Variants in CCZ1 observed in about 807,000 individuals in gnomAD.
CCZ1 encodes the protein vacuolar fusion protein CCZ1 homolog.
Under a neutral mutation model 57.8 loss-of-function variants are expected in CCZ1, and 19 were observed. The ratio of observed to expected loss-of-function variants is 0.33; its 90% CI spans 0.23 to 0.48. The LOEUF (loss-of-function observed/expected upper bound fraction) is 0.48. Among genes scored for constraint, CCZ1 ranks in the 20% least tolerant of loss-of-function variants. The probability of loss-of-function intolerance (pLI) is 0.99; values close to 1 mark genes in which losing one functional copy is unlikely to be tolerated. For synonymous variants in CCZ1, 81 were observed against 167.0 expected, an observed-to-expected ratio of 0.49 and a Z score of 3.97; for missense variants, 200 against 492.0, an observed-to-expected ratio of 0.41 and a Z score of 5.61.
chr7:5,902,750 T>C lies in CCZ1; in HGVS notation c.522+6T>C, dbSNP rs1781713008. The stretch of plus-strand genomic sequence containing the variant: ...TAGAGAAATTCTTCCATCGGGTAAG[T>C]ATTTTGAATTTCATTTATAACTTTA... On this transcript the variant is annotated splice_donor_region_variant and intron_variant, in intron 6 of 14. Coordinates refer to ENST00000325974, the MANE Select transcript of CCZ1 (RefSeq NM_015622.6). The C allele has an allele frequency of 6.3e-7, 1 of 1,589,964 alleles. No homozygotes were observed. The highest frequency in any genetic ancestry group is 8.5e-7 in the Non-Finnish European group (1 of 1,175,366).
rs184537006 is a variant in CCZ1 at position 5,901,978 on chromosome 7, T to A, written c.438+274T>A. On this transcript the variant is annotated intron_variant, in intron 5 of 14. Coordinates refer to ENST00000325974, the MANE Select transcript of CCZ1 (RefSeq NM_015622.6). ...CTATGTGCTCAAGGAATGTACAGAA[T>A]GCAGATAATTTTATGATTTAAAAGT... 140 of 406,578 alleles carry A rather than the reference T, an allele frequency of 3.4e-4. 2 individuals are homozygous for A. Among genetic ancestry groups the A allele is most frequent in the Non-Finnish European group, 4.9e-4 (118 of 238,538 alleles). 25.2% of individuals were successfully genotyped at this position (406,578 alleles called of 1,614,324 possible).
chr7:5,910,955 C>T (rs1374583680), intron 8 of CCZ1, among the ~76,000 whole-genome samples: 3 of 147,688 alleles, frequency 2.0e-5, no homozygotes, highest in African/African-American at 2.5e-5. Flanking sequence ...AGGCTGGTCT[C>T]GAACTCCTGA....
intron 5 of CCZ1, chr7:5,901,912 C>T (rs1172129243): frequency 2.0e-6 from 1 of 506,902 alleles, no homozygotes; most frequent in Non-Finnish European, 3.4e-6. Flanking sequence ...CTTTTCTCAG[C>T]CTTATAGTAG....
intron 11 of CCZ1, chr7:5,919,156 T>TTG: frequency 4.8e-6 from 2 of 415,710 alleles, no homozygotes; most frequent in East Asian, 4.9e-5. Context: ...AGCTAATGTT[T>TTG]TTGTGGTTGT....
At chr7:5,922,632 A>AG (rs1779263698) in intron 12 of CCZ1, among the ~76,000 whole-genome samples, 1 of 150,920 alleles carries the variant, frequency 6.6e-6, no homozygotes, top group Non-Finnish European at 1.5e-5. Flanking sequence ...GCGTCGTAGC[A>AG]CTGCCTAGTC....
At chr7:5,900,681 AAAATT>A (rs1264880718) in intron 3 of CCZ1, 115 bp downstream of exon 3, 10 of 1,204,794 alleles carry the variant, frequency 8.3e-6, no homozygotes, top group Admixed American at 5.8e-5. Context: ...AAATTAAAAT[AAAATT>A]GGTTGCAATT....
chr7:5,903,942 C>T (rs1427667645), intron 6 of CCZ1, among the ~76,000 whole-genome samples: 2 of 141,012 alleles, frequency 1.4e-5, no homozygotes, highest in Non-Finnish European at 3.0e-5. Context: ...TGCAGTGAGC[C>T]GAGATCACAC....
chr7:5,906,786 C>T (rs2128611696), intron 7 of CCZ1, among the ~76,000 whole-genome samples: 1 of 150,866 alleles, frequency 6.6e-6, no homozygotes, highest in Non-Finnish European at 1.5e-5. Flanking sequence ...AAATTTGAAT[C>T]CAGTTAATAA....
chr7:5,906,239 TG>T (rs998390942), intron 7 of CCZ1, among the ~76,000 whole-genome samples: 3 of 147,418 alleles, frequency 2.0e-5, no homozygotes, highest in Non-Finnish European at 4.4e-5. Context: ...CTAGAGTAGG[TG>T]GACAGAAGTC....
At chr7:5,901,608 A>G (rs759303717) in intron 4 of CCZ1, 49 bp from the exon 5 acceptor site, 23 of 1,563,682 alleles carry the variant, frequency 1.5e-5, no homozygotes, top group Non-Finnish European at 2.0e-5. Flanking sequence ...TCCAGTAGAC[A>G]TTGTTTTTCC....
Position 5,920,269 on chromosome 7 carries a change from G to A in CCZ1, c.1106+303G>A, listed in dbSNP as rs201129287. On this transcript the variant is annotated intron_variant, in intron 12 of 14. Transcript: ENST00000325974. ...TACGTTCACTTGGACAGTAGTCATC[G>A]GCGTGGTCTTGGTGTGCACAGACTG... 3.1e-3 allele frequency among the ~76,000 whole-genome samples: 365 copies of A among 117,566 alleles called. No individual in the cohort carries two copies. In the East Asian group the frequency reaches 0.066, roughly 21 times the overall value. 77.1% of individuals were successfully genotyped at this position (117,566 alleles called of 152,430 possible).
chr7:5,913,089 C>T, intron 10 of CCZ1, 135 bp downstream of exon 10: 1 of 736,046 alleles, frequency 1.4e-6, no homozygotes, highest in Non-Finnish European at 2.2e-6. Flanking sequence ...TGGTAAAACT[C>T]AAAATGGGTG....
chr7:5,923,118 A>ATT (rs1161805505), intron 12 of CCZ1, among the ~76,000 whole-genome samples: 8 of 113,274 alleles, frequency 7.1e-5, no homozygotes, highest in South Asian at 2.5e-4. Flanking sequence ...GGAGATCGAG[A>ATT]CCATCCTGGC....
chr7:5,905,449 G>C (rs927788432), intron 7 of CCZ1, among the ~76,000 whole-genome samples, 180 bp downstream of exon 7: 2 of 144,384 alleles, frequency 1.4e-5, no homozygotes, highest in African/African-American at 2.6e-5. Context: ...AGGGTGATTT[G>C]GGTTCAAATT....
intron 7 of CCZ1, among the ~76,000 whole-genome samples, chr7:5,907,365 C>G (rs7800564): frequency 6.7e-6 from 1 of 149,424 alleles, no homozygotes; most frequent in African/African-American, 2.5e-5. Flanking sequence ...ACAGGACGTG[C>G]TTGCAAGTCA....
intron 7 of CCZ1, among the ~76,000 whole-genome samples, chr7:5,909,604 T>C (rs1781919699): frequency 6.8e-6 from 1 of 147,394 alleles, no homozygotes; most frequent in Non-Finnish European, 1.5e-5. Flanking sequence ...GAGGCTGAGA[T>C]GGGAGGACCG....
Position 5,912,869 on chromosome 7 carries a change from A to C in CCZ1, c.869A>C (p.Asn290Thr). ...GRFLTGPLNLNDPDAKCRFPK... is the reference protein window; with the variant it reads ...GRFLTGPLNLTDPDAKCRFPK... ...TTTCTTACCGGACCCTTGAACCTCAATGATCCAGATGCAAAATGCAGATTC... is the reference window on the plus strand; with the variant it reads ...TTTCTTACCGGACCCTTGAACCTCACTGATCCAGATGCAAAATGCAGATTC... Residue 290 changes from asparagine (N) to threonine (T), a missense_variant, in exon 10 of 15, where the codon AAT becomes ACT. By Grantham distance (65) the Asn-to-Thr change is moderately conservative. Coordinates refer to ENST00000325974, the MANE Select transcript of CCZ1 (RefSeq NM_015622.6). The C allele has an allele frequency of 6.3e-7, 1 of 1,584,242 alleles. No homozygotes were observed. Among genetic ancestry groups the C allele is most frequent in the East Asian group, 2.3e-5 (1 of 44,304 alleles).
At chr7:5,901,963 A>C (rs1356118839) in intron 5 of CCZ1, 2 of 470,070 alleles carry the variant, frequency 4.3e-6, no homozygotes, top group African/African-American at 2.0e-5. Context: ...CTATGTGCTC[A>C]AGGAATGTAC....
chr7:5,904,033 G>GGATA (rs1781745899), intron 6 of CCZ1, among the ~76,000 whole-genome samples: 1 of 141,982 alleles, frequency 7.0e-6, no homozygotes, highest in South Asian at 2.5e-4. Context: ...TAGTATTAAT[G>GGATA]GATAGATCCC....
Sources: gnomAD v4.1 joint callset for allele counts (sites outside exome capture counted in the v4.1 genomes callset) on GRCh38, gnomAD v4.1.1 for gene constraint, MANE v1.5 for transcripts, NCBI Gene and HGNC (gene_info 2026-07-23, HGNC 2026-07-21) for gene names.